Variants in WIF1 observed in about 807,000 individuals in gnomAD.
WIF1 encodes the protein Wnt inhibitory factor 1.
Under a neutral mutation model 53.5 loss-of-function variants are expected in WIF1, and 35 were observed. The ratio of observed to expected loss-of-function variants is 0.65; its 90% CI spans 0.50 to 0.87. The LOEUF is 0.87. Among genes scored for constraint, WIF1 ranks in the 40% least tolerant of loss-of-function variants. WIF1 has a pLI of 0.00. For missense variants in WIF1, 467 were observed against 476.8 expected (o/e 0.98, Z 0.19); for synonymous variants, 171 against 170.4 (o/e 1.00, Z -0.03).
Position 65,117,825 on chromosome 12 carries a change from T to C in WIF1, c.288+2592A>G, listed in dbSNP as rs1000453083. ...AGGGTTCACACTCCTATGAGAATCT[T>C]ATGCTGCTGCCGATCTGACAGGAGG... On this transcript the variant is annotated intron_variant, in intron 2 of 9. Coordinates refer to ENST00000286574, the MANE Select transcript of WIF1 (RefSeq NM_007191.5). 2.6e-5 allele frequency among the ~76,000 whole-genome samples: 4 copies of C among 152,296 alleles called. No individual in the cohort carries two copies. In the East Asian group the frequency reaches 7.7e-4, roughly 29 times the overall value.
intron 2 of WIF1, among the ~76,000 whole-genome samples, chr12:65,089,991 G>A (rs2136629274): frequency 6.6e-6 from 1 of 152,218 alleles, no homozygotes; most frequent in African/African-American, 2.4e-5. Flanking sequence ...CAAACTTTAA[G>A]TTAGTATAGT....
intron 4 of WIF1, among the ~76,000 whole-genome samples, chr12:65,068,311 G>A (rs866584021): frequency 2.0e-5 from 3 of 152,058 alleles, no homozygotes; most frequent in African/African-American, 7.2e-5. Context: ...CTGGCATGAG[G>A]TGGCAGTCTG....
intron 2 of WIF1, among the ~76,000 whole-genome samples, chr12:65,079,362 A>G (rs1403688961): frequency 6.6e-6 from 1 of 152,144 alleles, no homozygotes; most frequent in African/African-American, 2.4e-5. Flanking sequence ...AATTATATTC[A>G]AAATTGTAAA....
intron 2 of WIF1, among the ~76,000 whole-genome samples, chr12:65,104,464 G>GCAGTCAGAC (rs1320522388): frequency 1.3e-5 from 2 of 152,206 alleles, no homozygotes; most frequent in Non-Finnish European, 2.9e-5. Flanking sequence ...CATGGATTCT[G>GCAGTCAGAC]CAGTCAGACT....
chr12:65,111,533 C>T (rs1213297618), intron 2 of WIF1, among the ~76,000 whole-genome samples: 1 of 152,158 alleles, frequency 6.6e-6, no homozygotes, highest in African/African-American at 2.4e-5. Context: ...TTTCCTTTCC[C>T]TAAAAACCAT....
At chr12:65,056,264 T>G in intron 7 of WIF1, 138 bp from the exon 8 acceptor site, 1 of 678,764 alleles carries the variant, frequency 1.5e-6, no homozygotes, top group Non-Finnish European at 2.3e-6. Context: ...AGATCTACTC[T>G]GGCTTTTTTT....
intron 2 of WIF1, among the ~76,000 whole-genome samples, chr12:65,107,589 C>T (rs886545158): frequency 2.0e-5 from 3 of 152,190 alleles, no homozygotes; most frequent in Non-Finnish European, 1.5e-5. Flanking sequence ...CATTGCACCC[C>T]AGCTTGTGTA....
At chr12:65,070,112 C>G (rs535594435) in intron 3 of WIF1, among the ~76,000 whole-genome samples, 56 of 152,246 alleles carry the variant, frequency 3.7e-4, no homozygotes, top group Non-Finnish European at 5.7e-4. Flanking sequence ...ACTGGACTGC[C>G]CTTTTCTGTA....
At chr12:65,092,448 G>A (rs972682590) in intron 2 of WIF1, among the ~76,000 whole-genome samples, 2 of 145,328 alleles carry the variant, frequency 1.4e-5, no homozygotes, top group African/African-American at 5.3e-5. Flanking sequence ...ATATATATAT[G>A]TATATATATA....
At chr12:65,075,749 A>G (rs1237545667) in intron 3 of WIF1, among the ~76,000 whole-genome samples, 1 of 152,232 alleles carries the variant, frequency 6.6e-6, no homozygotes, top group Non-Finnish European at 1.5e-5. Context: ...AAAAAATTGC[A>G]AAGGAAAAGA....
At chr12:65,068,698 T>C in intron 4 of WIF1, 66 bp downstream of exon 4, 2 of 1,526,770 alleles carry the variant, frequency 1.3e-6, no homozygotes, top group Admixed American at 1.8e-5. Context: ...TAGATATAAA[T>C]ATTTGGTCCA....
Position 65,055,434 on chromosome 12 carries a change from A to G in WIF1, c.923-221T>C, listed in dbSNP as rs544417377. Among the ~76,000 whole-genome samples the G allele has an allele frequency of 1.6e-3, 249 of 152,358 alleles. 2 individuals carry two copies. The highest frequency in any genetic ancestry group is 5.9e-3 in the African/African-American group (244 of 41,590). On this transcript the variant is annotated intron_variant, in intron 8 of 9. Transcript: ENST00000286574. ...TATTTTTCATTCGCAAAAGACATTC[A>G]GTAGGATTTTGAAACTGCTGGAGCA...
chr12:65,096,017 T>C (rs763645272), intron 2 of WIF1, among the ~76,000 whole-genome samples: 6 of 152,066 alleles, frequency 3.9e-5, no homozygotes, highest in Non-Finnish European at 8.8e-5. Context: ...AATTGACAAA[T>C]GGGATCTAAA....
At chr12:65,101,848 G>A (rs2136636024) in intron 2 of WIF1, among the ~76,000 whole-genome samples, 1 of 152,290 alleles carries the variant, frequency 6.6e-6, no homozygotes, top group East Asian at 1.9e-4. Flanking sequence ...TTCAGAGAGT[G>A]GGACACCATT....
intron 2 of WIF1, among the ~76,000 whole-genome samples, chr12:65,115,457 G>T (rs902603625): frequency 1.3e-5 from 2 of 152,142 alleles, no homozygotes; most frequent in Non-Finnish European, 2.9e-5. Context: ...TTACTTGAAA[G>T]CCATTGGGCT....
At chr12:65,107,769 TA>T (rs1463009718) in intron 2 of WIF1, among the ~76,000 whole-genome samples, 2 of 152,246 alleles carry the variant, frequency 1.3e-5, no homozygotes, top group Admixed American at 6.5e-5. Flanking sequence ...AATATATGTT[TA>T]TTTAGGCCTG....
At chr12:65,093,125 C>T (rs1883150333) in intron 2 of WIF1, among the ~76,000 whole-genome samples, 1 of 152,134 alleles carries the variant, frequency 6.6e-6, no homozygotes, top group Non-Finnish European at 1.5e-5. Context: ...AATCAGAGAA[C>T]ATTTTATTAT....
At chr12:65,065,377 T>G (rs934887657) in intron 6 of WIF1, among the ~76,000 whole-genome samples, 1 of 152,086 alleles carries the variant, frequency 6.6e-6, no homozygotes, top group African/African-American at 2.4e-5. Flanking sequence ...GGATATGAAT[T>G]TGGGTCAACC....
At chr12:65,064,545 A>G (rs1489656335) in intron 6 of WIF1, among the ~76,000 whole-genome samples, 4 of 152,078 alleles carry the variant, frequency 2.6e-5, no homozygotes, top group Non-Finnish European at 4.4e-5. Flanking sequence ...GCCTCCACAT[A>G]TTCCCTCCTG....
Sources: allele counts gnomAD v4.1 joint callset (sites outside exome capture counted in the v4.1 genomes callset), GRCh38; gene constraint gnomAD v4.1.1; transcripts MANE v1.5; gene names NCBI Gene and HGNC (gene_info 2026-07-23, HGNC 2026-07-21).